The following CHIC1 variants were observed in gnomAD, a reference collection of about 807,000 sequenced individuals.
The protein encoded by CHIC1 is cysteine-rich hydrophobic domain-containing protein 1.
In CHIC1, 7 loss-of-function variants were observed where a neutral mutation model predicts 18.5. The observed-to-expected ratio is 0.38, with a 90% CI of 0.22 to 0.71. The LOEUF is 0.71. Among genes scored for constraint, CHIC1 ranks in the 30% least tolerant of loss-of-function variants. The pLI is 0.49. For missense variants in CHIC1, 159 were observed against 176.9 expected (o/e 0.90, Z 0.57); for synonymous variants, 77 against 73.5 (o/e 1.05, Z -0.25).
intron 3 of CHIC1, among the ~76,000 whole-genome samples, chrX:73,596,781 G>C (rs1482561502): frequency 9.0e-6 from 1 of 111,314 alleles, no homozygotes; most frequent in Non-Finnish European, 1.9e-5. Flanking sequence ...ATAGGGAAAG[G>C]ATACCCTATT....
intron 3 of CHIC1, among the ~76,000 whole-genome samples, chrX:73,642,924 C>A (rs1019502677): frequency 1.1e-4 from 12 of 110,105 alleles, no homozygotes; most frequent in African/African-American, 3.9e-4. Flanking sequence ...GTTACTGTAG[C>A]CTTGTAGTAT....
chrX:73,603,512 C>T (rs771369028), intron 3 of CHIC1, among the ~76,000 whole-genome samples: 1 of 107,820 alleles, frequency 9.3e-6, no homozygotes, highest in South Asian at 3.8e-4. Flanking sequence ...TGCCTGATTG[C>T]CCTGGCCAGA....
intron 3 of CHIC1, among the ~76,000 whole-genome samples, chrX:73,631,340 G>A (rs923055189): frequency 6.3e-5 from 7 of 110,712 alleles, no homozygotes. Context: ...AAATTAGGTT[G>A]TTTAGGCTGG....
chrX:73,574,946 G>A (rs1156284049), intron 1 of CHIC1, among the ~76,000 whole-genome samples: 1 of 109,498 alleles, frequency 9.1e-6, no homozygotes, highest in Non-Finnish European at 1.9e-5. Flanking sequence ...GGGTTATTTT[G>A]TTCTTGTTTT....
chrX:73,630,499 A>G (rs1325733617), intron 3 of CHIC1, among the ~76,000 whole-genome samples: 3 of 111,803 alleles, frequency 2.7e-5, no homozygotes, highest in African/African-American at 9.8e-5. Flanking sequence ...TAATATGATC[A>G]TGATTTTTAT....
chrX:73,671,536 T>C (rs1293294335), intron 3 of CHIC1, among the ~76,000 whole-genome samples: 2 of 111,518 alleles, frequency 1.8e-5, no homozygotes. Context: ...AATTGTATTT[T>C]GCTTATCTAG....
chrX:73,640,327 C>T (rs1198725094), intron 3 of CHIC1, among the ~76,000 whole-genome samples: 1 of 111,752 alleles, frequency 8.9e-6, no homozygotes, highest in Non-Finnish European at 1.9e-5. Flanking sequence ...TGTGATGAAT[C>T]ACATTTATTT....
At chrX:73,642,616 A>T (rs761996396) in intron 3 of CHIC1, among the ~76,000 whole-genome samples, 1 of 106,966 alleles carries the variant, frequency 9.3e-6, no homozygotes, top group African/African-American at 3.4e-5. Context: ...CTGAATGGTA[A>T]TGCCTAGGTT....
chrX:73,563,714 G>A (rs960968573), intron 1 of CHIC1, 134 bp downstream of exon 1: 1 of 569,129 alleles, frequency 1.8e-6, no homozygotes, highest in Non-Finnish European at 2.5e-6. Context: ...AAGGACACCT[G>A]GTCTAAATGG....
rs1243674538 is a variant in CHIC1, at chrX:73,685,575, C to G, written c.*4570C>G. 9.0e-6 allele frequency: 1 copy of G among 111,529 alleles called. No individual in the cohort carries two copies. Among genetic ancestry groups the G allele is most frequent in the African/African-American group, 3.3e-5 (1 of 30,743 alleles). The allele number at this position is 111,529 out of a possible 1,213,427, so 9.2% of individuals were successfully genotyped here. A position where few individuals can be genotyped will look rare whatever the true frequency, so the allele number is the denominator to read the frequency against. On this transcript the variant is annotated 3_prime_UTR_variant, in exon 6 of 6. Transcript: ENST00000373502. ...AAGTCACTTCTGGTTTAATTATTGGCTCTGCTGCTTAATTCCTCTGTACCT... is the reference window on the plus strand; with the variant it reads ...AAGTCACTTCTGGTTTAATTATTGGGTCTGCTGCTTAATTCCTCTGTACCT...
rs190593725 is a variant in CHIC1, at chrX:73,577,224, T to C, written c.297-183T>C. Among the ~76,000 whole-genome samples the C allele has an allele frequency of 2.6e-3, 289 of 110,599 alleles. 1 individual carries two copies. Among genetic ancestry groups the C allele is most frequent in the Non-Finnish European group, 4.2e-3 (220 of 52,136 alleles). ...TTTTTGTTAAGCTTTTTAAAAAATATGTTAGTTTGGATTAATAATCAAAGA... is the reference window on the plus strand; with the variant it reads ...TTTTTGTTAAGCTTTTTAAAAAATACGTTAGTTTGGATTAATAATCAAAGA... On this transcript the variant is annotated intron_variant, in intron 1 of 5. Transcript: ENST00000373502.
intron 3 of CHIC1, among the ~76,000 whole-genome samples, chrX:73,597,034 TAACTA>T (rs1276777868): frequency 8.9e-6 from 1 of 112,036 alleles, no homozygotes; most frequent in Non-Finnish European, 1.9e-5. Flanking sequence ...AAATGGGATG[TAACTA>T]AACTAAAGAG....
At chrX:73,590,578 T>C (rs752088596) in intron 3 of CHIC1, among the ~76,000 whole-genome samples, 8 of 111,835 alleles carry the variant, frequency 7.2e-5, no homozygotes, top group African/African-American at 2.6e-4. Context: ...TCGTACAGAA[T>C]AGCAGTTTCA....
intron 3 of CHIC1, among the ~76,000 whole-genome samples, chrX:73,585,603 C>A (rs976400419): frequency 5.4e-5 from 6 of 111,431 alleles, no homozygotes; most frequent in Admixed American, 1.9e-4. Flanking sequence ...CAATCAATAA[C>A]TCCTACCCAT....
chrX:73,661,743 G>A (rs1368156767), intron 3 of CHIC1, among the ~76,000 whole-genome samples: 1 of 111,528 alleles, frequency 9.0e-6, no homozygotes, highest in Non-Finnish European at 1.9e-5. Flanking sequence ...CAATATTGAT[G>A]GGCTGAGCAG....
At chrX:73,637,643 A>T (rs1041013916) in intron 3 of CHIC1, among the ~76,000 whole-genome samples, 7 of 106,871 alleles carry the variant, frequency 6.5e-5, no homozygotes, top group African/African-American at 2.0e-4. Context: ...CTGCTCTTCA[A>T]CTCCCTCTAT....
intron 3 of CHIC1, among the ~76,000 whole-genome samples, chrX:73,670,418 C>T (rs1267998489): frequency 1.8e-5 from 2 of 110,771 alleles, no homozygotes; most frequent in African/African-American, 6.6e-5. Context: ...GGTTTGTCTA[C>T]TTTATCTTTT....
At chrX:73,627,535 C>G (rs759236076) in intron 3 of CHIC1, among the ~76,000 whole-genome samples, 1 of 112,346 alleles carries the variant, frequency 8.9e-6, no homozygotes, top group Admixed American at 9.4e-5. Flanking sequence ...CAGTCCTTCC[C>G]ACTCTTCTTC....
intron 3 of CHIC1, among the ~76,000 whole-genome samples, chrX:73,604,555 T>A (rs1004704837): frequency 2.5e-4 from 27 of 108,830 alleles, no homozygotes; most frequent in Non-Finnish European, 4.9e-4. Flanking sequence ...AGCTTTTGAA[T>A]TTGTTTGCTC....
Sources: allele counts gnomAD v4.1 joint callset (sites outside exome capture counted in the v4.1 genomes callset), GRCh38; gene constraint gnomAD v4.1.1; transcripts MANE v1.5; gene names NCBI Gene and HGNC (gene_info 2026-07-23, HGNC 2026-07-21).